TMTC2: variants seen among roughly 807,000 people sequenced by gnomAD.
TMTC2 encodes the protein transmembrane O-mannosyltransferase targeting cadherins 2.
Under a neutral mutation model 82.4 loss-of-function variants are expected in TMTC2, and 43 were observed. The observed-to-expected ratio is 0.52, with a 90% CI of 0.41 to 0.67. The LOEUF is 0.67. Among genes scored for constraint, TMTC2 ranks in the 30% least tolerant of loss-of-function variants. TMTC2 has a pLI of 0.00. For missense variants in TMTC2, 919 were observed against 1,012.4 expected (o/e 0.91, Z 1.25); for synonymous variants, 408 against 381.9 (o/e 1.07, Z -0.80).
intron 1 of TMTC2, among the ~76,000 whole-genome samples, chr12:82,715,244 C>T (rs1873840048): frequency 6.7e-6 from 1 of 149,264 alleles, no homozygotes; most frequent in Non-Finnish European, 1.5e-5. Flanking sequence ...CACTGCACTC[C>T]AGCCTGGGCG....
At chr12:82,803,002 G>A (rs1042093159) in intron 1 of TMTC2, among the ~76,000 whole-genome samples, 1 of 152,148 alleles carries the variant, frequency 6.6e-6, no homozygotes, top group Non-Finnish European at 1.5e-5. Context: ...GTGACATATT[G>A]TAAAAGTGTT....
chr12:83,116,422 T>C (rs1395764221), intron 11 of TMTC2, among the ~76,000 whole-genome samples: 3 of 152,236 alleles, frequency 2.0e-5, no homozygotes, highest in Admixed American at 2.0e-4. Context: ...CTTTTCCATA[T>C]AATGATTTCT....
chr12:82,696,031 A>G (rs1404952956), intron 1 of TMTC2, among the ~76,000 whole-genome samples: 1 of 152,278 alleles, frequency 6.6e-6, no homozygotes, highest in East Asian at 1.9e-4. Flanking sequence ...TATTTCCTTT[A>G]GAACAAGTTC....
In TMTC2 at chr12:82,997,221, C is replaced by CTCTCTCTCTCTCTCTATA. The variant is rs1451262969; in HGVS notation, c.2070+11176_2070+11177insCTCTCTCTCTCTCTATAT. On this transcript the variant is annotated intron_variant, in intron 8 of 11. Coordinates refer to ENST00000321196, the MANE Select transcript of TMTC2 (RefSeq NM_152588.3). ...TCCCCCTCTCCCTCTCTCTCTCTCT[C>CTCTCTCTCTCTCTCTATA]TATATATATATATAGTTATGTATAG... 8.4e-4 allele frequency among the ~76,000 whole-genome samples: 100 copies of CTCTCTCTCTCTCTCTATA among 118,546 alleles called. 2 individuals are homozygous for CTCTCTCTCTCTCTCTATA. The highest frequency in any genetic ancestry group is 3.6e-3 in the African/African-American group (98 of 27,264). 77.8% of individuals were successfully genotyped at this position (118,546 alleles called of 152,430 possible).
intron 4 of TMTC2, among the ~76,000 whole-genome samples, chr12:82,949,428 A>G (rs12811945): frequency 0.054 from 8,191 of 152,302 alleles, 309 homozygotes; most frequent in Non-Finnish European, 0.08. Context: ...TACCAGAGTC[A>G]TATTTGTTTT....
chr12:83,112,890 T>C (rs1341586711), intron 11 of TMTC2, among the ~76,000 whole-genome samples: 1 of 152,236 alleles, frequency 6.6e-6, no homozygotes, highest in East Asian at 1.9e-4. Context: ...TGTGATTTTG[T>C]AAACGTATTT....
At chr12:83,090,235 C>T (rs926360691) in intron 11 of TMTC2, among the ~76,000 whole-genome samples, 9 of 152,288 alleles carry the variant, frequency 5.9e-5, no homozygotes, top group Non-Finnish European at 1.2e-4. Context: ...GAAGACATTA[C>T]ATAAATCCAT....
intron 2 of TMTC2, among the ~76,000 whole-genome samples, chr12:82,890,720 T>C (rs2137170841): frequency 6.6e-6 from 1 of 152,294 alleles, no homozygotes; most frequent in South Asian, 2.1e-4. Flanking sequence ...TTATGACTCT[T>C]CTCTCAAAGT....
chr12:82,929,960 C>T (rs1875937785), intron 3 of TMTC2, among the ~76,000 whole-genome samples: 2 of 152,234 alleles, frequency 1.3e-5, no homozygotes, highest in African/African-American at 2.4e-5. Flanking sequence ...TGGCAAGCTT[C>T]TTTATAGCTT....
intron 8 of TMTC2, among the ~76,000 whole-genome samples, chr12:83,027,755 G>A (rs1881243810): frequency 6.6e-6 from 1 of 152,122 alleles, no homozygotes; most frequent in Admixed American, 6.6e-5. Context: ...TTTGCATCTA[G>A]GAAAGCATGA....
intron 4 of TMTC2, among the ~76,000 whole-genome samples, chr12:82,942,859 A>G (rs2137264951): frequency 6.6e-6 from 1 of 152,322 alleles, no homozygotes; most frequent in South Asian, 2.1e-4. Flanking sequence ...AAAAAACAAA[A>G]GATGAAACAT....
chr12:83,131,698 A>AT (rs1885259959), intron 11 of TMTC2, among the ~76,000 whole-genome samples: 1 of 152,038 alleles, frequency 6.6e-6, no homozygotes, highest in African/African-American at 2.4e-5. Context: ...TTTTTTCAGG[A>AT]TTTTTACCCA....
intron 1 of TMTC2, among the ~76,000 whole-genome samples, chr12:82,704,466 T>A (rs1458450021): frequency 2.6e-5 from 4 of 152,190 alleles, no homozygotes; most frequent in African/African-American, 9.7e-5. Flanking sequence ...CTACTGCATT[T>A]GAAGAAAATC....
intron 4 of TMTC2, among the ~76,000 whole-genome samples, chr12:82,952,993 T>A (rs1173460418): frequency 6.6e-6 from 1 of 152,206 alleles, no homozygotes; most frequent in East Asian, 1.9e-4. Context: ...ACACATTTTT[T>A]AAATCTGTCT....
At chr12:82,936,536 A>G (rs1039384854) in intron 4 of TMTC2, among the ~76,000 whole-genome samples, 2 of 152,142 alleles carry the variant, frequency 1.3e-5, no homozygotes, top group African/African-American at 4.8e-5. Flanking sequence ...AGATTTAAAC[A>G]CCATTATCAG....
chr12:82,944,267 G>T (rs546832586), intron 4 of TMTC2, among the ~76,000 whole-genome samples: 3 of 152,014 alleles, frequency 2.0e-5, no homozygotes, highest in African/African-American at 7.2e-5. Context: ...AGGGAATACC[G>T]ATATTTAAGG....
At chr12:83,015,626 T>C (rs1236538845) in intron 8 of TMTC2, among the ~76,000 whole-genome samples, 2 of 152,228 alleles carry the variant, frequency 1.3e-5, no homozygotes, top group Non-Finnish European at 2.9e-5. Context: ...GTTGAGACTT[T>C]CTGTTCTACC....
intron 1 of TMTC2, among the ~76,000 whole-genome samples, chr12:82,822,869 G>A (rs932055236): frequency 6.6e-6 from 1 of 152,132 alleles, no homozygotes. Context: ...CACTTTCCAC[G>A]TGGTAGTCTA....
At chr12:82,813,677 T>G (rs888460277) in intron 1 of TMTC2, among the ~76,000 whole-genome samples, 1 of 152,122 alleles carries the variant, frequency 6.6e-6, no homozygotes, top group Non-Finnish European at 1.5e-5. Flanking sequence ...ATTTCTTGCC[T>G]ACCCTCCCTA....
Sources: gnomAD v4.1 joint callset for allele counts (sites outside exome capture counted in the v4.1 genomes callset) on GRCh38, gnomAD v4.1.1 for gene constraint, MANE v1.5 for transcripts, NCBI Gene and HGNC (gene_info 2026-07-23, HGNC 2026-07-21) for gene names.